Variants in DLC1 observed in about 807,000 individuals in gnomAD.
The protein encoded by DLC1 is DLC1 Rho GTPase activating protein, also known as rho GTPase-activating protein 7.
In DLC1, 54 loss-of-function variants were observed where a neutral mutation model predicts 140.3. The ratio of observed to expected loss-of-function variants is 0.38; its 90% confidence interval spans 0.31 to 0.48. The LOEUF (loss-of-function observed/expected upper bound fraction) is 0.48, where lower values mean the gene tolerates loss of function less well. DLC1 is among the 20% of genes least tolerant of loss of function. DLC1 has a pLI of 0.96. For missense variants in DLC1, 2,536 were observed against 1,907.0 expected (o/e 1.33, Z -6.14); for synonymous variants, 986 against 728.1 (o/e 1.35, Z -5.70).
At chr8:13,171,035 A>G (rs1473405968) in intron 5 of DLC1, among the ~76,000 whole-genome samples, 1 of 152,210 alleles carries the variant, frequency 6.6e-6, no homozygotes, top group Non-Finnish European at 1.5e-5. Context: ...AGAAGATGGT[A>G]TGTGGAGCTA....
At chr8:13,191,208 G>T (rs538825265) in intron 5 of DLC1, among the ~76,000 whole-genome samples, 1 of 152,264 alleles carries the variant, frequency 6.6e-6, no homozygotes, top group African/African-American at 2.4e-5. Flanking sequence ...TGCTTACATT[G>T]CTATTAAACC....
At chr8:13,199,450 G>A (rs117311867) in intron 5 of DLC1, among the ~76,000 whole-genome samples, 1,684 of 152,004 alleles carry the variant, frequency 0.011, 13 homozygotes, top group South Asian at 0.035. Flanking sequence ...CAAGGTGATG[G>A]GATTACAGGC....
At chr8:13,438,768 C>T (rs1435362746) in intron 2 of DLC1, among the ~76,000 whole-genome samples, 3 of 152,160 alleles carry the variant, frequency 2.0e-5, no homozygotes, top group African/African-American at 4.8e-5. Flanking sequence ...CAGGAAACTT[C>T]GCTGTCCAAA....
At chr8:13,403,060 A>G (rs559878768) in intron 2 of DLC1, among the ~76,000 whole-genome samples, 3 of 152,348 alleles carry the variant, frequency 2.0e-5, no homozygotes, top group African/African-American at 7.2e-5. Context: ...ATTAATGCAA[A>G]TTGAAACAGC....
chr8:13,183,003 G>C (rs984927971), intron 5 of DLC1, among the ~76,000 whole-genome samples: 6 of 152,144 alleles, frequency 3.9e-5, no homozygotes, highest in African/African-American at 1.4e-4. Context: ...GTTGAGCAGT[G>C]GTTTGTAGTT....
chr8:13,094,706 G>C (rs553760267), intron 12 of DLC1, 53 bp downstream of exon 12: 2 of 1,604,530 alleles, frequency 1.2e-6, no homozygotes. Flanking sequence ...ACAAGCTTCA[G>C]TTGGTCCCAT....
At chr8:13,500,219 A>C in intron 1 of DLC1, 23 bp from the exon 2 acceptor site, 1 of 657,940 alleles carries the variant, frequency 1.5e-6, no homozygotes, top group Non-Finnish European at 2.5e-6. Flanking sequence ...TCAAAAAAAT[A>C]TGTAGTCGCA....
intron 5 of DLC1, among the ~76,000 whole-genome samples, chr8:13,157,627 T>C (rs1824348711): frequency 6.6e-6 from 1 of 152,196 alleles, no homozygotes; most frequent in African/African-American, 2.4e-5. Context: ...CAAAAATAAC[T>C]ATATTGTCGG....
rs754077398 is a variant in DLC1 at position 13,100,628 on chromosome 8, G to A, written c.1709C>T (p.Ser570Phe). 1.2e-6 allele frequency: 2 copies of A among 1,614,088 alleles called. No homozygotes were observed. The highest frequency in any genetic ancestry group is 1.7e-6 in the Non-Finnish European group (2 of 1,179,952). ...QDLVPGSPDD[S>F]HPKDGPSPGG... is the part of the protein sequence containing the mutation. ...GGGGCTGGGGCCGTCCTTCGGGTGG[G>A]AGTCGTCTGGGGACCCAGGGACCAG... The change falls in exon 9 of 18, where the codon TCC (serine) becomes TTC (phenylalanine). Residue 570 changes from serine (S) to phenylalanine (F), a missense_variant. By Grantham distance (155) the Ser-to-Phe change is radical (BLOSUM62 -2). Coordinates refer to ENST00000276297, the MANE Select transcript of DLC1 (RefSeq NM_182643.3).
At chr8:13,337,367 T>C (rs1281414453) in intron 4 of DLC1, among the ~76,000 whole-genome samples, 1 of 152,192 alleles carries the variant, frequency 6.6e-6, no homozygotes, top group Non-Finnish European at 1.5e-5. Flanking sequence ...ACCTAATTTG[T>C]AATTAAGGAT....
At chr8:13,410,778 C>T (rs1837747859) in intron 2 of DLC1, among the ~76,000 whole-genome samples, 1 of 152,136 alleles carries the variant, frequency 6.6e-6, no homozygotes, top group Admixed American at 6.5e-5. Context: ...CTCTCTGTTT[C>T]CCCACTAGAT....
chr8:13,196,942 C>T (rs1022214893), intron 5 of DLC1, among the ~76,000 whole-genome samples: 2 of 152,122 alleles, frequency 1.3e-5, no homozygotes, highest in African/African-American at 4.8e-5. Flanking sequence ...TTTATTTTTT[C>T]TTGACTTGGG....
intron 1 of DLC1, among the ~76,000 whole-genome samples, chr8:13,571,522 A>G (rs752660931): frequency 3.0e-4 from 46 of 152,242 alleles, no homozygotes; most frequent in Non-Finnish European, 5.9e-4. Flanking sequence ...AGCATGTATC[A>G]GAACCTCATT....
rs200908536 is a variant in DLC1, at chr8:13,305,260, T to G, written c.1348+9A>C. On this transcript the variant is annotated intron_variant, in intron 5 of 17. Coordinates refer to ENST00000276297, the MANE Select transcript of DLC1 (RefSeq NM_182643.3). ...TTGGCGAGAAAACAGAACCAAAATG[T>G]CAACTTACCAGCCTTTTCCTTCTCT... The G allele has an allele frequency of 4.4e-6, 7 of 1,608,860 alleles. No individual in the cohort carries two copies. In the African/African-American group the frequency reaches 8.0e-5, roughly 18 times the overall value.
chr8:13,512,073 A>G (rs1207630678), intron 1 of DLC1, among the ~76,000 whole-genome samples: 1 of 152,112 alleles, frequency 6.6e-6, no homozygotes, highest in Non-Finnish European at 1.5e-5. Context: ...GCTATCTTTT[A>G]CTAGGCCTTC....
At chr8:13,259,180 A>C (rs529832071) in intron 5 of DLC1, among the ~76,000 whole-genome samples, 1 of 152,000 alleles carries the variant, frequency 6.6e-6, no homozygotes, top group African/African-American at 2.4e-5. Flanking sequence ...AAAGATTAAA[A>C]ATTACAATTA....
intron 2 of DLC1, among the ~76,000 whole-genome samples, chr8:13,416,567 C>G (rs982893330): frequency 1.3e-5 from 2 of 152,108 alleles, no homozygotes; most frequent in African/African-American, 4.8e-5. Flanking sequence ...TCTGCACCAT[C>G]TCTGAAATGT....
intron 4 of DLC1, among the ~76,000 whole-genome samples, chr8:13,315,008 C>T (rs997597046): frequency 2.6e-5 from 4 of 152,182 alleles, no homozygotes; most frequent in Non-Finnish European, 5.9e-5. Context: ...TAAAGGTATT[C>T]TAATGTTCTG....
At chr8:13,355,787 C>G (rs186788752) in intron 4 of DLC1, among the ~76,000 whole-genome samples, 111 of 151,952 alleles carry the variant, frequency 7.3e-4, no homozygotes, top group African/African-American at 2.5e-3. Flanking sequence ...GATTCATTTT[C>G]AAAAATCTTA....
Sources: gnomAD v4.1 joint callset for allele counts (sites outside exome capture counted in the v4.1 genomes callset) on GRCh38, gnomAD v4.1.1 for gene constraint, MANE v1.5 for transcripts, NCBI Gene and HGNC (gene_info 2026-07-23, HGNC 2026-07-21) for gene names.